SEMA6D: variants seen among roughly 807,000 people sequenced by gnomAD.
The protein encoded by SEMA6D is semaphorin 6D, also known as semaphorin-6D.
Under a neutral mutation model 106.6 loss-of-function variants are expected in SEMA6D, and 35 were observed. The ratio of observed to expected loss-of-function variants is 0.33; its 90% confidence interval spans 0.25 to 0.44. SEMA6D has a LOEUF of 0.44. Ranked by LOEUF, SEMA6D falls within the 20% of genes least tolerant of loss-of-function variation. SEMA6D has a pLI of 1.00. For synonymous variants in SEMA6D, 499 were observed against 487.7 expected (o/e 1.02, Z -0.31); for missense variants, 1,185 against 1,345.9 (o/e 0.88, Z 1.87).
chr15:47,710,096 CA>C (rs1454498311), intron 4 of SEMA6D, among the ~76,000 whole-genome samples: 1 of 152,108 alleles, frequency 6.6e-6, no homozygotes, highest in Non-Finnish European at 1.5e-5. Context: ...AAGATCTAAA[CA>C]AAATAAATCA....
At chr15:47,409,194 C>T (rs1314840369) in intron 1 of SEMA6D, among the ~76,000 whole-genome samples, 1 of 152,176 alleles carries the variant, frequency 6.6e-6, no homozygotes, top group Non-Finnish European at 1.5e-5. Context: ...GCCTATCGTA[C>T]AGCTGTGAGT....
intron 1 of SEMA6D, among the ~76,000 whole-genome samples, chr15:47,207,216 A>G (rs1328666806): frequency 2.0e-5 from 3 of 152,156 alleles, no homozygotes; most frequent in South Asian, 2.1e-4. Flanking sequence ...CATTGATTAT[A>G]TTTAATCTCT....
At chr15:47,207,478 A>G (rs1351194919) in intron 1 of SEMA6D, among the ~76,000 whole-genome samples, 1 of 152,124 alleles carries the variant, frequency 6.6e-6, no homozygotes, top group Non-Finnish European at 1.5e-5. Flanking sequence ...AATAATACTG[A>G]CCTAGAAACC....
intron 1 of SEMA6D, among the ~76,000 whole-genome samples, chr15:47,309,614 C>CT (rs761249463): frequency 6.6e-6 from 1 of 152,126 alleles, no homozygotes; most frequent in Non-Finnish European, 1.5e-5. Flanking sequence ...ATGGTTTTGT[C>CT]TATCTACTAG....
intron 4 of SEMA6D, among the ~76,000 whole-genome samples, chr15:47,604,499 A>T (rs969670019): frequency 6.6e-5 from 10 of 152,216 alleles, no homozygotes; most frequent in Non-Finnish European, 1.3e-4. Context: ...ATTATGGAAG[A>T]AGTAGTCCAG....
chr15:47,727,012 C>T (rs2079799082), intron 1 of SEMA6D, among the ~76,000 whole-genome samples: 1 of 152,156 alleles, frequency 6.6e-6, no homozygotes, highest in South Asian at 2.1e-4. Flanking sequence ...GACCTTGGCA[C>T]CCTTTTGAAG....
chr15:47,472,962 GT>G (rs1396203100), intron 3 of SEMA6D, among the ~76,000 whole-genome samples: 1 of 152,210 alleles, frequency 6.6e-6, no homozygotes, highest in Non-Finnish European at 1.5e-5. Context: ...CAGTGCCAAT[GT>G]TTTGTGTAGT....
Position 47,771,149 on chromosome 15 carries a change from G to A in SEMA6D, c.2586G>A (p.Lys862=), listed in dbSNP as rs768200172. The A allele has an allele frequency of 1.5e-5, 25 of 1,614,018 alleles. No individual in the cohort carries two copies. In the Middle Eastern group the frequency reaches 5.0e-4, roughly 32 times the overall value. The change falls in exon 19 of 19, where the codon AAG becomes AAA. Residue 862 remains lysine, a synonymous_variant. Coordinates refer to ENST00000536845, the MANE Select transcript of SEMA6D (RefSeq NM_001358351.3). ...AAAACATTGATCACCCTCTCACAAA[G>A]TCATCCAGTAAGAGAGATCACCGGC... is the stretch of plus-strand genomic sequence containing the variant. The part of the protein sequence containing the change: ...KLQNIDHPLT[K]SSSKRDHRRS...
chr15:47,192,249 C>A (rs1330523936), intron 1 of SEMA6D, among the ~76,000 whole-genome samples: 2 of 152,184 alleles, frequency 1.3e-5, no homozygotes, highest in Non-Finnish European at 2.9e-5. Context: ...AAAGGAACTT[C>A]CATTGACACT....
At chr15:47,251,955 G>A (rs192404589) in intron 1 of SEMA6D, among the ~76,000 whole-genome samples, 11,076 of 113,044 alleles carry the variant, frequency 0.098, 1,033 homozygotes, top group African/African-American at 0.26. Context: ...TCGCTCTGTC[G>A]CCCAGGCTGG....
At chr15:47,680,975 T>A (rs1357452439) in intron 4 of SEMA6D, among the ~76,000 whole-genome samples, 2 of 152,210 alleles carry the variant, frequency 1.3e-5, no homozygotes, top group Non-Finnish European at 2.9e-5. Context: ...GAAACTCGTC[T>A]GAACTGTTGG....
At chr15:47,624,671 G>A (rs2144315857) in intron 4 of SEMA6D, among the ~76,000 whole-genome samples, 1 of 152,248 alleles carries the variant, frequency 6.6e-6, no homozygotes, top group East Asian at 1.9e-4. Flanking sequence ...AAACACTTAG[G>A]ACAGATAACT....
chr15:47,690,271 T>C (rs2078557370), intron 4 of SEMA6D, among the ~76,000 whole-genome samples: 1 of 152,208 alleles, frequency 6.6e-6, no homozygotes, highest in Non-Finnish European at 1.5e-5. Flanking sequence ...TAAATTATTC[T>C]GAGATTTTTC....
intron 4 of SEMA6D, among the ~76,000 whole-genome samples, chr15:47,627,085 A>G (rs1566944437): frequency 6.6e-6 from 1 of 152,170 alleles, no homozygotes; most frequent in Admixed American, 6.6e-5. Context: ...GTTTGGTACA[A>G]GAATGGTAAT....
chr15:47,340,072 A>G (rs931207367), intron 1 of SEMA6D, among the ~76,000 whole-genome samples: 3 of 152,172 alleles, frequency 2.0e-5, no homozygotes, highest in African/African-American at 7.2e-5. Context: ...TCTGCAGGGA[A>G]AACATTCTAA....
At chr15:47,562,976 AG>A (rs1383447676) in intron 3 of SEMA6D, among the ~76,000 whole-genome samples, 2 of 152,190 alleles carry the variant, frequency 1.3e-5, no homozygotes, top group African/African-American at 4.8e-5. Context: ...TGGTATATCC[AG>A]TCAATGGATT....
intron 1 of SEMA6D, among the ~76,000 whole-genome samples, chr15:47,403,047 C>A (rs1316666796): frequency 6.6e-6 from 1 of 152,142 alleles, no homozygotes; most frequent in African/African-American, 2.4e-5. Flanking sequence ...CTGGGCTAGT[C>A]CAGACAGCTA....
At chr15:47,567,225 G>T (rs1596331218) in intron 3 of SEMA6D, among the ~76,000 whole-genome samples, 1 of 152,258 alleles carries the variant, frequency 6.6e-6, no homozygotes, top group Middle Eastern at 3.4e-3. Flanking sequence ...TTATTTGAGA[G>T]AGGTAACATG....
At chr15:47,665,369 T>A (rs896997946) in intron 4 of SEMA6D, among the ~76,000 whole-genome samples, 1 of 152,232 alleles carries the variant, frequency 6.6e-6, no homozygotes, top group Non-Finnish European at 1.5e-5. Context: ...TGCTTTTGTC[T>A]TTTGTTTTCT....
Sources: gnomAD v4.1 joint callset for allele counts (sites outside exome capture counted in the v4.1 genomes callset) on GRCh38, gnomAD v4.1.1 for gene constraint, MANE v1.5 for transcripts, NCBI Gene and HGNC (gene_info 2026-07-23, HGNC 2026-07-21) for gene names.